The following MYO3A variants were observed in gnomAD, a reference collection of about 807,000 sequenced individuals.
MYO3A encodes the protein myosin-IIIa.
In MYO3A, 180 loss-of-function variants were observed where a neutral mutation model predicts 192.7. The observed-to-expected ratio is 0.93, with a 90% CI of 0.83 to 1.06. The LOEUF is 1.06. MYO3A is among the 50% of genes least tolerant of loss of function. The pLI is 0.00. For missense variants in MYO3A, 1,896 were observed against 1,905.0 expected (o/e 1.00, Z 0.09); for synonymous variants, 628 against 645.3 (o/e 0.97, Z 0.41).
intron 31 of MYO3A, among the ~76,000 whole-genome samples, chr10:26,181,958 C>G (rs1288402792): frequency 6.6e-6 from 1 of 152,050 alleles, no homozygotes; most frequent in Non-Finnish European, 1.5e-5. Flanking sequence ...TATTAACAGC[C>G]CTTTAAATTC....
chr10:26,193,171 A>G (rs1484273187), intron 31 of MYO3A, 34 bp from the exon 32 acceptor site: 1 of 1,432,550 alleles, frequency 7.0e-7, no homozygotes, highest in East Asian at 2.3e-5. Context: ...AGTATTTGTA[A>G]TTAAATACTT....
intron 12 of MYO3A, 133 bp downstream of exon 12, chr10:26,069,017 C>A: frequency 1.6e-6 from 1 of 644,060 alleles, no homozygotes; most frequent in Non-Finnish European, 2.7e-6. Context: ...TTTGTTAAAA[C>A]ATAGAACTAG....
At chr10:26,119,729 G>A (rs981904214) in intron 17 of MYO3A, among the ~76,000 whole-genome samples, 3 of 152,154 alleles carry the variant, frequency 2.0e-5, no homozygotes, top group African/African-American at 7.2e-5. Context: ...TAGACTCCTT[G>A]ATAAATGCCT....
At chr10:26,147,338 A>G in intron 22 of MYO3A, 92 bp from the exon 23 acceptor site, 1 of 1,308,934 alleles carries the variant, frequency 7.6e-7, no homozygotes, top group South Asian at 1.2e-5. Context: ...GTAAGCTCAT[A>G]ATGAGTATCT....
At chr10:26,095,844 G>A (rs1298139035) in intron 15 of MYO3A, among the ~76,000 whole-genome samples, 1 of 152,148 alleles carries the variant, frequency 6.6e-6, no homozygotes, top group East Asian at 1.9e-4. Flanking sequence ...GTGGTTAAAG[G>A]CGTGGGCTTT....
chr10:25,952,912 C>T (rs189668904), intron 3 of MYO3A, among the ~76,000 whole-genome samples: 1 of 148,410 alleles, frequency 6.7e-6, no homozygotes, highest in Non-Finnish European at 1.5e-5. Context: ...TTGTGATAAG[C>T]GAAACTGCCA....
In MYO3A at chr10:26,211,875, A is replaced by T. The variant is rs1844233619; in HGVS notation, c.4763A>T (p.Glu1588Val). 1 of 1,613,712 alleles carries T rather than the reference A, an allele frequency of 6.2e-7. No individual in the cohort carries two copies. Among genetic ancestry groups the T allele is most frequent in the African/African-American group, 1.3e-5 (1 of 74,836 alleles). Residue 1588 changes from glutamate to valine, a missense_variant, in exon 35 of 35, where the codon GAG becomes GTG. Physicochemically the swap from Glu to Val is moderately radical, Grantham distance 121. Transcript: ENST00000642920. Reference protein sequence around the residue: ...CWAAESPEKEEEREPAANPYD... With the variant: ...CWAAESPEKEVEREPAANPYD... ...GCGGCGGAGAGCCCCGAGAAGGAGG[A>T]GGAGAGAGAGCCAGCAGCCAACCCC... is the stretch of plus-strand genomic sequence containing the variant.
At chr10:25,950,909 C>T (rs1321150384) in intron 2 of MYO3A, among the ~76,000 whole-genome samples, 1 of 151,966 alleles carries the variant, frequency 6.6e-6, no homozygotes, top group East Asian at 1.9e-4. Context: ...TGAGGGCTAC[C>T]AGAAGTGCTA....
chr10:26,198,673 A>G (rs1043456529), intron 32 of MYO3A, among the ~76,000 whole-genome samples: 16 of 152,272 alleles, frequency 1.1e-4, no homozygotes, highest in African/African-American at 3.9e-4. Flanking sequence ...ATATTTCTTT[A>G]TGTCGGGTGG....
At chr10:25,938,321 G>A (rs762510168) in intron 2 of MYO3A, among the ~76,000 whole-genome samples, 6 of 152,184 alleles carry the variant, frequency 3.9e-5, no homozygotes, top group Non-Finnish European at 5.9e-5. Flanking sequence ...TGTAAGTCCC[G>A]TCGGAAGGCA....
chr10:26,146,164 C>T (rs1344482289), intron 22 of MYO3A, among the ~76,000 whole-genome samples: 1 of 152,166 alleles, frequency 6.6e-6, no homozygotes, highest in East Asian at 1.9e-4. Flanking sequence ...CAGAGAAAAC[C>T]TCAGATTTGT....
chr10:26,041,941 T>A (rs1843372752), intron 10 of MYO3A, among the ~76,000 whole-genome samples: 1 of 152,190 alleles, frequency 6.6e-6, no homozygotes, highest in African/African-American at 2.4e-5. Flanking sequence ...GATTTCTTAT[T>A]GCTCATTAAA....
At chr10:26,161,518 A>C (rs1185591790) in intron 26 of MYO3A, among the ~76,000 whole-genome samples, 2 of 152,192 alleles carry the variant, frequency 1.3e-5, no homozygotes, top group African/African-American at 4.8e-5. Flanking sequence ...ATGGTGGAGT[A>C]GATAAGTACC....
intron 4 of MYO3A, among the ~76,000 whole-genome samples, chr10:25,991,911 C>T (rs1423472259): frequency 6.6e-6 from 1 of 152,204 alleles, no homozygotes; most frequent in Non-Finnish European, 1.5e-5. Context: ...GTTTTGGTTG[C>T]TGTACCCTTG....
chr10:25,970,254 C>A (rs937554504), intron 4 of MYO3A, among the ~76,000 whole-genome samples: 2 of 151,488 alleles, frequency 1.3e-5, no homozygotes, highest in Non-Finnish European at 3.0e-5. Flanking sequence ...TATTATCTGA[C>A]CATAATGGAA....
chr10:25,972,148 C>T (rs1375124814), intron 4 of MYO3A, among the ~76,000 whole-genome samples: 1 of 152,110 alleles, frequency 6.6e-6, no homozygotes, highest in Non-Finnish European at 1.5e-5. Flanking sequence ...TGAAACTGTT[C>T]ATTTACCTTC....
chr10:26,200,524 C>T (rs1479006960), intron 32 of MYO3A, among the ~76,000 whole-genome samples: 1 of 152,156 alleles, frequency 6.6e-6, no homozygotes, highest in Non-Finnish European at 1.5e-5. Context: ...GTAGCACACA[C>T]ACAAAAACAC....
chr10:26,070,971 TCTACA>T (rs1835170130), intron 14 of MYO3A, among the ~76,000 whole-genome samples: 1 of 152,100 alleles, frequency 6.6e-6, no homozygotes, highest in Non-Finnish European at 1.5e-5. Flanking sequence ...ACGTCAGTCT[TCTACA>T]AATTGATCTA....
intron 32 of MYO3A, among the ~76,000 whole-genome samples, chr10:26,198,474 T>A (rs926225503): frequency 6.6e-6 from 1 of 152,224 alleles, no homozygotes; most frequent in African/African-American, 2.4e-5. Flanking sequence ...TTTATTATTC[T>A]TTCCAGTACT....
Sources: allele counts gnomAD v4.1 joint callset (sites outside exome capture counted in the v4.1 genomes callset), GRCh38; gene constraint gnomAD v4.1.1; transcripts MANE v1.5; gene names NCBI Gene and HGNC (gene_info 2026-07-23, HGNC 2026-07-21).